Variants in NXPH1 observed in about 807,000 individuals in gnomAD.
NXPH1 encodes the protein neurexophilin 1, also known as neurexophilin-1.
A neutral mutation model predicts 23.7 loss-of-function variants in NXPH1; 5 were observed. The ratio of observed to expected loss-of-function variants is 0.21; its 90% CI spans 0.11 to 0.44. The LOEUF is 0.44. Among genes scored for constraint, NXPH1 ranks in the 20% least tolerant of loss-of-function variants. NXPH1 has a pLI of 0.99. For synonymous variants in NXPH1, 144 were observed against 122.2 expected (o/e 1.18, Z -1.18); for missense variants, 324 against 321.6 (o/e 1.01, Z -0.06).
chr7:8,711,903 A>G (rs968552065), intron 2 of NXPH1, among the ~76,000 whole-genome samples: 2 of 152,234 alleles, frequency 1.3e-5, no homozygotes, highest in Non-Finnish European at 2.9e-5. Flanking sequence ...GGGATAGAAC[A>G]GGAAAGGGCC....
chr7:8,605,643 T>C (rs1355065620), intron 2 of NXPH1, among the ~76,000 whole-genome samples: 1 of 152,154 alleles, frequency 6.6e-6, no homozygotes, highest in Non-Finnish European at 1.5e-5. Flanking sequence ...AGTTTGCAGA[T>C]GTTCAACGTC....
At chr7:8,736,642 G>C (rs1285120588) in intron 2 of NXPH1, among the ~76,000 whole-genome samples, 1 of 152,112 alleles carries the variant, frequency 6.6e-6, no homozygotes, top group Non-Finnish European at 1.5e-5. Flanking sequence ...ATGCCTATTA[G>C]GTCCTCTTGG....
chr7:8,563,998 T>C (rs1269419674), intron 2 of NXPH1, among the ~76,000 whole-genome samples: 1 of 151,828 alleles, frequency 6.6e-6, no homozygotes, highest in African/African-American at 2.4e-5. Flanking sequence ...TAGGGTAGAA[T>C]ATATGCAAAG....
chr7:8,692,773 T>A (rs1167806794), intron 2 of NXPH1, among the ~76,000 whole-genome samples: 1 of 152,120 alleles, frequency 6.6e-6, no homozygotes, highest in African/African-American at 2.4e-5. Context: ...AAAAGGGTGA[T>A]GGTAACTTCT....
In NXPH1 at chr7:8,527,958, A is replaced by G. The variant is rs1817891558; in HGVS notation, c.54+92191A>G. Among the ~76,000 whole-genome samples, 3 of 152,240 alleles carry G rather than the reference A, an allele frequency of 2.0e-5. No individual in the cohort carries two copies. The South Asian group carries it at 6.2e-4, about 32-fold the overall frequency. On this transcript the variant is annotated intron_variant, in intron 2 of 2. Transcript: ENST00000405863. The stretch of plus-strand genomic sequence containing the variant: ...TATTTCTAATTGATCATTTGGTAGA[A>G]AAGAGTTTCCTCGGGAAGAATCTTC...
intron 2 of NXPH1, among the ~76,000 whole-genome samples, chr7:8,678,191 T>C (rs959898485): frequency 6.6e-6 from 1 of 152,188 alleles, no homozygotes; most frequent in Non-Finnish European, 1.5e-5. Context: ...ACTAGTACTA[T>C]TGTTTAGTAG....
intron 2 of NXPH1, among the ~76,000 whole-genome samples, chr7:8,726,377 C>G (rs1780053351): frequency 1.3e-5 from 2 of 150,664 alleles, no homozygotes; most frequent in South Asian, 4.2e-4. Context: ...GGTACGTGTG[C>G]ACAATGTGCA....
intron 2 of NXPH1, among the ~76,000 whole-genome samples, chr7:8,681,800 A>G (rs927868535): frequency 6.6e-5 from 10 of 152,180 alleles, no homozygotes; most frequent in African/African-American, 1.4e-4. Context: ...TGATTGGGAG[A>G]CATTGGCCTA....
At chr7:8,509,698 T>C (rs1239017696) in intron 2 of NXPH1, among the ~76,000 whole-genome samples, 2 of 152,058 alleles carry the variant, frequency 1.3e-5, no homozygotes, top group Non-Finnish European at 2.9e-5. Context: ...AGGCGTGACA[T>C]GTCTATTTGG....
intron 2 of NXPH1, among the ~76,000 whole-genome samples, chr7:8,738,317 G>A (rs1011610468): frequency 1.3e-5 from 2 of 152,290 alleles, no homozygotes; most frequent in South Asian, 2.1e-4. Flanking sequence ...CTGTGTGGAT[G>A]TCCTTTTTGT....
chr7:8,468,382 A>T (rs1478482726), intron 2 of NXPH1, among the ~76,000 whole-genome samples: 6 of 152,110 alleles, frequency 3.9e-5, no homozygotes, highest in African/African-American at 1.4e-4. Context: ...TATCTTGAAA[A>T]ATGTCTTCTT....
At chr7:8,694,838 G>T (rs975552385) in intron 2 of NXPH1, among the ~76,000 whole-genome samples, 2 of 152,122 alleles carry the variant, frequency 1.3e-5, no homozygotes, top group East Asian at 1.9e-4. Context: ...ATGAAAAAAA[G>T]TTGAAGAAAA....
intron 2 of NXPH1, among the ~76,000 whole-genome samples, chr7:8,452,627 A>G (rs1816526706): frequency 2.0e-5 from 3 of 152,150 alleles, no homozygotes; most frequent in Admixed American, 2.0e-4. Context: ...TCCTAGGCAA[A>G]GCCATTTAGG....
chr7:8,690,810 T>A (rs73068846), intron 2 of NXPH1, among the ~76,000 whole-genome samples: 2,005 of 152,300 alleles, frequency 0.013, 14 homozygotes, highest in Middle Eastern at 0.02. Context: ...GTTTGTGACA[T>A]CCCTGCCAAC....
At chr7:8,528,366 C>T (rs867405182) in intron 2 of NXPH1, among the ~76,000 whole-genome samples, 14 of 152,208 alleles carry the variant, frequency 9.2e-5, no homozygotes, top group Admixed American at 6.5e-4. Flanking sequence ...CTGGACATTG[C>T]AGGAGAATGT....
At chr7:8,665,890 T>C (rs1820752177) in intron 2 of NXPH1, among the ~76,000 whole-genome samples, 3 of 148,498 alleles carry the variant, frequency 2.0e-5, no homozygotes, top group Admixed American at 6.7e-5. Context: ...ATTGATTTAT[T>C]AGTTCTAAGA....
chr7:8,526,391 C>T (rs1483435326), intron 2 of NXPH1, among the ~76,000 whole-genome samples: 3 of 152,106 alleles, frequency 2.0e-5, no homozygotes, highest in Non-Finnish European at 4.4e-5. Flanking sequence ...TTAGATGAGA[C>T]TTTGGACTGT....
chr7:8,680,279 C>T (rs529949806), intron 2 of NXPH1, among the ~76,000 whole-genome samples: 4 of 152,172 alleles, frequency 2.6e-5, no homozygotes, highest in South Asian at 2.1e-4. Flanking sequence ...GGTGGTGAAT[C>T]GGGGAGAGGG....
intron 2 of NXPH1, among the ~76,000 whole-genome samples, chr7:8,655,407 TCTC>T (rs1562444270): frequency 9.6e-5 from 1 of 10,366 alleles, no homozygotes; most frequent in Non-Finnish European, 2.0e-4. Flanking sequence ...TCTTTCTCTC[TCTC>T]TCTCTCTCTC....
Sources: allele counts gnomAD v4.1 joint callset (sites outside exome capture counted in the v4.1 genomes callset), GRCh38; gene constraint gnomAD v4.1.1; transcripts MANE v1.5; gene names NCBI Gene and HGNC (gene_info 2026-07-23, HGNC 2026-07-21).